KLHL1: variants seen among roughly 807,000 people sequenced by gnomAD.
The protein encoded by KLHL1 is kelch like family member 1.
KLHL1 carries 47 observed loss-of-function variants against 77.7 expected under a neutral mutation model. That is an observed-to-expected ratio of 0.60 (90% CI 0.48 to 0.77). The LOEUF (loss-of-function observed/expected upper bound fraction) is 0.77. Ranked by LOEUF, KLHL1 falls within the 30% of genes least tolerant of loss-of-function variation. The pLI is 0.00. For synonymous variants in KLHL1, 360 were observed against 325.2 expected (o/e 1.11, Z -1.15); for missense variants, 925 against 910.8 (o/e 1.02, Z -0.20).
chr13:69,760,504 T>C (rs1046740597), intron 7 of KLHL1, among the ~76,000 whole-genome samples: 1 of 151,934 alleles, frequency 6.6e-6, no homozygotes. Flanking sequence ...CACAGGCATG[T>C]ACCACCACAC....
intron 5 of KLHL1, among the ~76,000 whole-genome samples, chr13:69,876,905 C>T (rs1274243533): frequency 2.0e-5 from 3 of 152,014 alleles, no homozygotes; most frequent in Non-Finnish European, 2.9e-5. Context: ...TGCGTGGTGG[C>T]GCATGCATGT....
intron 7 of KLHL1, among the ~76,000 whole-genome samples, chr13:69,745,650 AT>A (rs1874178668): frequency 6.6e-6 from 1 of 151,982 alleles, no homozygotes; most frequent in Non-Finnish European, 1.5e-5. Flanking sequence ...AAATATAAAA[AT>A]TAAAACAATA....
intron 1 of KLHL1, among the ~76,000 whole-genome samples, chr13:69,995,154 A>C (rs1328730250): frequency 1.3e-5 from 2 of 152,116 alleles, no homozygotes; most frequent in Non-Finnish European, 2.9e-5. Context: ...TGACAACAAC[A>C]AAGTCAAGTA....
intron 7 of KLHL1, among the ~76,000 whole-genome samples, chr13:69,749,319 TAGAA>T (rs532252751): frequency 3.4e-4 from 51 of 152,082 alleles, no homozygotes; most frequent in Non-Finnish European, 5.2e-4. Flanking sequence ...AATTATCTAA[TAGAA>T]AGAAAAGAAA....
chr13:69,933,393 T>G lies in KLHL1; in HGVS notation c.1014+6647A>C, dbSNP rs369870871. Among the ~76,000 whole-genome samples the G allele has an allele frequency of 2.0e-4, 30 of 152,250 alleles. No homozygotes were observed. In the East Asian group the frequency reaches 4.2e-3, roughly 22 times the overall value. ...TTTAAAGTTACACTCCAAATATTCT[T>G]CTAAGGCAAACTCTAATTTATGGTT... is the stretch of plus-strand genomic sequence containing the variant. On this transcript the variant is annotated intron_variant, in intron 4 of 10. Transcript: ENST00000377844.
chr13:70,085,612 T>G (rs555945918), intron 1 of KLHL1, among the ~76,000 whole-genome samples: 1 of 152,270 alleles, frequency 6.6e-6, no homozygotes. Flanking sequence ...GCTTGTAATC[T>G]CAGCACTTTG....
chr13:69,826,880 A>G (rs1438121855), intron 6 of KLHL1, among the ~76,000 whole-genome samples: 1 of 150,626 alleles, frequency 6.6e-6, no homozygotes, highest in Admixed American at 6.6e-5. Flanking sequence ...TTTTAATAAG[A>G]ATATATTAAT....
chr13:69,878,727 G>C (rs766700336), intron 5 of KLHL1, among the ~76,000 whole-genome samples: 1 of 151,924 alleles, frequency 6.6e-6, no homozygotes, highest in African/African-American at 2.4e-5. Context: ...GAGAGAGAGA[G>C]AGAGAGAGTG....
rs1875405028 is a variant in KLHL1 at position 69,701,720 on chromosome 13, T to C, written c.2229A>G (p.Val743=). 1.9e-6 allele frequency: 3 copies of C among 1,609,130 alleles called. No homozygotes were observed. Among genetic ancestry groups the C allele is most frequent in the Non-Finnish European group, 2.5e-6 (3 of 1,176,992 alleles). ...CAATAAGTCAAGGTTGCTTGATGACTACCACACAGGCACCTGCTCTCCCAA... is the reference window on the plus strand; with the variant it reads ...CAATAAGTCAAGGTTGCTTGATGACCACCACACAGGCACCTGCTCTCCCAA... The part of the protein sequence containing the change: ...LNIGRAGACV[V]VIKQP Residue 743 remains valine (V), a synonymous_variant, in exon 11 of 11, where the codon GTA becomes GTG. Transcript: ENST00000377844.
chr13:69,833,762 TATATACATAC>T (rs1878862650), intron 6 of KLHL1, among the ~76,000 whole-genome samples: 1 of 150,600 alleles, frequency 6.6e-6, no homozygotes, highest in African/African-American at 2.4e-5. Context: ...TATATATATA[TATATACATAC>T]ATACATACAT....
intron 1 of KLHL1, among the ~76,000 whole-genome samples, chr13:70,090,254 C>A (rs150337455): frequency 6.6e-6 from 1 of 152,002 alleles, no homozygotes; most frequent in African/African-American, 2.4e-5. Context: ...GTGACAAATG[C>A]CAAACTAGTG....
chr13:69,757,681 G>A (rs377739340), intron 7 of KLHL1, among the ~76,000 whole-genome samples: 144 of 152,258 alleles, frequency 9.5e-4, no homozygotes, highest in African/African-American at 3.2e-3. Flanking sequence ...TGGCCTGGCA[G>A]TGGCTTACGC....
Position 69,852,420 on chromosome 13 carries a change from T to C in KLHL1, c.1228-13258A>G, listed in dbSNP as rs116102555. 5.7e-3 allele frequency among the ~76,000 whole-genome samples: 865 copies of C among 152,070 alleles called. 7 individuals are homozygous for C. Among genetic ancestry groups the C allele is most frequent in the African/African-American group, 0.019 (781 of 41,542 alleles). On this transcript the variant is annotated intron_variant, in intron 5 of 10. Transcript: ENST00000377844. ...CAGCAATTGAAGAGACAACATTCAG[T>C]TGATTAATTGGAAAAATGGATTTTC... is the stretch of plus-strand genomic sequence containing the variant.
chr13:70,104,442 A>G (rs2137458650), intron 1 of KLHL1, among the ~76,000 whole-genome samples: 1 of 152,248 alleles, frequency 6.6e-6, no homozygotes, highest in Middle Eastern at 3.4e-3. Context: ...ATTGTGAGCA[A>G]CTTTCCCCAA....
intron 1 of KLHL1, among the ~76,000 whole-genome samples, chr13:70,071,947 T>C (rs1423276566): frequency 6.6e-6 from 1 of 151,754 alleles, no homozygotes; most frequent in Non-Finnish European, 1.5e-5. Flanking sequence ...CAGAAGAAAA[T>C]GAATAATAAA....
At position 69,928,105 on chromosome 13, in the gene KLHL1, T is replaced by C. The variant is rs553466587; in HGVS notation, c.1014+11935A>G. 5.9e-5 allele frequency among the ~76,000 whole-genome samples: 9 copies of C among 152,262 alleles called. No individual in the cohort carries two copies. In the South Asian group the frequency reaches 1.9e-3, roughly 32 times the overall value. ...CCCCCATTGTTCCTATAGATAGAAT[T>C]TCAGACATTAGAATCATTAGGCTTT... On this transcript the variant is annotated intron_variant, in intron 4 of 10. Coordinates refer to ENST00000377844, the MANE Select transcript of KLHL1 (RefSeq NM_020866.3).
chr13:69,859,667 T>G (rs1040656151), intron 5 of KLHL1, among the ~76,000 whole-genome samples: 1 of 152,206 alleles, frequency 6.6e-6, no homozygotes, highest in East Asian at 1.9e-4. Flanking sequence ...TATTGACACT[T>G]TAGTGCCCTC....
chr13:70,064,614 C>A (rs1445510355), intron 1 of KLHL1, among the ~76,000 whole-genome samples: 1 of 152,146 alleles, frequency 6.6e-6, no homozygotes, highest in Non-Finnish European at 1.5e-5. Context: ...CTATAAACTT[C>A]ACAGGGTAAG....
chr13:69,783,096 C>T (rs1018236753), intron 7 of KLHL1, among the ~76,000 whole-genome samples: 3 of 152,226 alleles, frequency 2.0e-5, no homozygotes, highest in Admixed American at 6.5e-5. Flanking sequence ...CAAATTCCAA[C>T]AGACCTGCAG....
Sources: allele counts gnomAD v4.1 joint callset (sites outside exome capture counted in the v4.1 genomes callset), GRCh38; gene constraint gnomAD v4.1.1; transcripts MANE v1.5; gene names NCBI Gene and HGNC (gene_info 2026-07-23, HGNC 2026-07-21).